CLVS1: variants seen among roughly 807,000 people sequenced by gnomAD.
CLVS1 encodes clavesin 1, also known as clavesin-1.
Under a neutral mutation model 33.1 loss-of-function variants are expected in CLVS1, and 10 were observed. That is an observed-to-expected ratio of 0.30 (90% CI 0.19 to 0.51). CLVS1 has a LOEUF of 0.51. CLVS1 is among the 20% of genes least tolerant of loss of function. CLVS1 has a pLI of 0.97. For missense variants in CLVS1, 343 were observed against 433.4 expected (o/e 0.79, Z 1.85); for synonymous variants, 163 against 166.1 (o/e 0.98, Z 0.14).
intron 2 of CLVS1, among the ~76,000 whole-genome samples, chr8:61,362,558 A>G (rs1014807260): frequency 1.3e-5 from 2 of 152,232 alleles, no homozygotes; most frequent in African/African-American, 4.8e-5. Context: ...TGCACATTGC[A>G]GGATATTTAT....
At chr8:61,089,168 T>G (rs528221189) in intron 1 of CLVS1, among the ~76,000 whole-genome samples, 1 of 152,322 alleles carries the variant, frequency 6.6e-6, no homozygotes, top group Non-Finnish European at 1.5e-5. Flanking sequence ...TTAACTTGCA[T>G]TTTTGTAATG....
chr8:61,387,154 G>A (rs937648225), intron 3 of CLVS1, among the ~76,000 whole-genome samples: 3 of 152,142 alleles, frequency 2.0e-5, no homozygotes, highest in South Asian at 4.1e-4. Context: ...TTGGGAGGCC[G>A]AAGTGGGCAG....
intron 2 of CLVS1, among the ~76,000 whole-genome samples, chr8:61,162,944 G>A (rs376859738): frequency 6.6e-6 from 1 of 152,196 alleles, no homozygotes; most frequent in Non-Finnish European, 1.5e-5. Context: ...CCCATGACAC[G>A]TAAAATTATT....
At chr8:61,100,931 A>G (rs1805437771) in intron 1 of CLVS1, among the ~76,000 whole-genome samples, 1 of 152,076 alleles carries the variant, frequency 6.6e-6, no homozygotes, top group South Asian at 2.1e-4. Context: ...GTTGAATAAT[A>G]CTCTATTGTA....
the CLVS1 span, among the ~76,000 whole-genome samples, chr8:60,968,897 T>A: frequency 1.3e-5 from 2 of 150,910 alleles, no homozygotes; most frequent in South Asian, 2.1e-4. Context: ...TCAAAAAAAA[T>A]AAATAAATAA....
intron 2 of CLVS1, among the ~76,000 whole-genome samples, chr8:61,219,393 G>T (rs1241239748): frequency 6.6e-6 from 1 of 152,162 alleles, no homozygotes; most frequent in Non-Finnish European, 1.5e-5. Flanking sequence ...GTGAGAACAT[G>T]TGGTGTTTGA....
At chr8:61,194,786 C>T (rs1807568042) in intron 2 of CLVS1, among the ~76,000 whole-genome samples, 2 of 151,616 alleles carry the variant, frequency 1.3e-5, no homozygotes, top group African/African-American at 2.4e-5. Flanking sequence ...TTTTGAGGCT[C>T]ATATGAAACA....
chr8:61,052,546 G>A (rs561258827), upstream of CLVS1, among the ~76,000 whole-genome samples: 49 of 62,404 alleles, frequency 7.9e-4, no homozygotes, highest in African/African-American at 4.4e-3. Flanking sequence ...GAGTCATGCC[G>A]AGATCTGGGA....
chr8:61,106,316 G>C (rs1805537872), intron 1 of CLVS1, among the ~76,000 whole-genome samples: 1 of 152,214 alleles, frequency 6.6e-6, no homozygotes, highest in Non-Finnish European at 1.5e-5. Context: ...ACTACAGGTG[G>C]ATGGCTCGCT....
chr8:61,462,568 G>A (rs1018084251), intron 5 of CLVS1, among the ~76,000 whole-genome samples: 1 of 152,134 alleles, frequency 6.6e-6, no homozygotes, highest in Non-Finnish European at 1.5e-5. Context: ...CAGAATGGAT[G>A]TTGTGCTGGG....
chr8:61,455,880 G>A (rs972785873), intron 4 of CLVS1, among the ~76,000 whole-genome samples: 1 of 152,176 alleles, frequency 6.6e-6, no homozygotes, highest in Non-Finnish European at 1.5e-5. Context: ...AGGTCCTTTA[G>A]AGAGCATTGC....
At chr8:61,052,448 G>A (rs1446539925), upstream of CLVS1, among the ~76,000 whole-genome samples, 2 of 152,138 alleles carry the variant, frequency 1.3e-5, no homozygotes, top group Admixed American at 1.3e-4. Flanking sequence ...AATCAGAGGG[G>A]GCCTCACTGA....
chr8:61,125,183 A>G (rs1018409196), intron 1 of CLVS1, among the ~76,000 whole-genome samples: 1 of 152,186 alleles, frequency 6.6e-6, no homozygotes, highest in South Asian at 2.1e-4. Context: ...TACCCCAGGC[A>G]TTAGAACCCC....
At chr8:60,983,363 C>T in the CLVS1 span, among the ~76,000 whole-genome samples, 1 of 152,168 alleles carries the variant, frequency 6.6e-6, no homozygotes, top group African/African-American at 2.4e-5. Context: ...ACATTTGAAC[C>T]AGACCTCATT....
chr8:61,429,695 C>A (rs1158525630), intron 3 of CLVS1, among the ~76,000 whole-genome samples: 1 of 152,152 alleles, frequency 6.6e-6, no homozygotes, highest in Non-Finnish European at 1.5e-5. Flanking sequence ...TCTGAAAGAT[C>A]ATAGCTAATA....
At chr8:61,423,253 T>C (rs73685004) in intron 3 of CLVS1, among the ~76,000 whole-genome samples, 3,611 of 152,290 alleles carry the variant, frequency 0.024, 154 homozygotes, top group African/African-American at 0.083. Flanking sequence ...CCTCATGTAA[T>C]CCTGATATTC....
intron 1 of CLVS1, among the ~76,000 whole-genome samples, chr8:61,093,999 G>A (rs1314086718): frequency 6.6e-6 from 1 of 152,204 alleles, no homozygotes; most frequent in Non-Finnish European, 1.5e-5. Flanking sequence ...CATTTGGCCT[G>A]GCTTATTCTC....
chr8:61,271,398 G>A (rs1459043465), intron 2 of CLVS1, among the ~76,000 whole-genome samples: 1 of 149,636 alleles, frequency 6.7e-6, no homozygotes, highest in African/African-American at 2.5e-5. Context: ...TATAATTTCT[G>A]TTCTTTTATA....
At chr8:61,279,079 C>T (rs1474080195) in intron 2 of CLVS1, among the ~76,000 whole-genome samples, 1 of 152,190 alleles carries the variant, frequency 6.6e-6, no homozygotes, top group African/African-American at 2.4e-5. Context: ...GGAGCCGGGG[C>T]CTCGCCTTTG....
Sources: gnomAD v4.1 joint callset for allele counts (sites outside exome capture counted in the v4.1 genomes callset) on GRCh38, gnomAD v4.1.1 for gene constraint, MANE v1.5 for transcripts, NCBI Gene and HGNC (gene_info 2026-07-23, HGNC 2026-07-21) for gene names.